Variants in HDAC4 observed in about 807,000 individuals in gnomAD.
HDAC4 encodes histone deacetylase 4.
Under a neutral mutation model 135.1 loss-of-function variants are expected in HDAC4, and 16 were observed. The observed-to-expected ratio is 0.12, with a 90% confidence interval of 0.08 to 0.18. The LOEUF (loss-of-function observed/expected upper bound fraction) is 0.18, where lower values mean the gene tolerates loss of function less well. Ranked by LOEUF, HDAC4 falls within the 10% of genes least tolerant of loss-of-function variation. HDAC4 has a pLI of 1.00. For synonymous variants in HDAC4, 685 were observed against 653.4 expected, an observed-to-expected ratio of 1.05 and a Z score of -0.74; for missense variants, 1,143 against 1,511.8, an observed-to-expected ratio of 0.76 and a Z score of 4.05.
chr2:239,170,749 C>T (rs887723437), intron 5 of HDAC4, among the ~76,000 whole-genome samples: 11 of 152,192 alleles, frequency 7.2e-5, no homozygotes, highest in African/African-American at 2.2e-4. Flanking sequence ...ACACCAGGGC[C>T]GAGGTCAGAA....
intron 1 of HDAC4, among the ~76,000 whole-genome samples, chr2:239,361,195 C>A (rs1342695554): frequency 6.6e-6 from 1 of 152,152 alleles, no homozygotes; most frequent in East Asian, 1.9e-4. Context: ...ACCCCTGGCC[C>A]AAGGCACACA....
intron 24 of HDAC4, among the ~76,000 whole-genome samples, chr2:239,060,372 C>T (rs571572725): frequency 6.6e-5 from 10 of 152,328 alleles, no homozygotes; most frequent in African/African-American, 2.2e-4. Context: ...TCCTTCTCTC[C>T]CTCTGTCCAT....
At chr2:239,261,330 G>A (rs1417339756) in intron 2 of HDAC4, among the ~76,000 whole-genome samples, 5 of 152,212 alleles carry the variant, frequency 3.3e-5, no homozygotes, top group South Asian at 4.1e-4. Context: ...ACTAAGGAGG[G>A]CGTACAGAAG....
intron 7 of HDAC4, among the ~76,000 whole-genome samples, chr2:239,151,470 C>T (rs138467063): frequency 3.9e-5 from 6 of 152,330 alleles, no homozygotes; most frequent in East Asian, 1.9e-4. Flanking sequence ...GGATGTTTCC[C>T]ATGGGCAGCC....
At chr2:239,135,321 C>A (rs2040875076) in intron 9 of HDAC4, among the ~76,000 whole-genome samples, 1 of 152,106 alleles carries the variant, frequency 6.6e-6, no homozygotes. Context: ...CAATACTGGC[C>A]ATGTATGAGG....
At chr2:239,282,720 C>G (rs1170999438) in intron 2 of HDAC4, among the ~76,000 whole-genome samples, 1 of 149,378 alleles carries the variant, frequency 6.7e-6, no homozygotes. Flanking sequence ...ACAATGTACA[C>G]ACCACTCTAC....
chr2:239,328,937 C>T (rs1400227052), intron 2 of HDAC4, among the ~76,000 whole-genome samples: 1 of 152,264 alleles, frequency 6.6e-6, no homozygotes, highest in East Asian at 1.9e-4. Context: ...AGAAATTAAT[C>T]AAGGGAGGAG....
At chr2:239,197,533 C>T (rs140655838) in intron 3 of HDAC4, among the ~76,000 whole-genome samples, 18 of 152,302 alleles carry the variant, frequency 1.2e-4, no homozygotes, top group African/African-American at 4.3e-4. Flanking sequence ...CTTTCCCATT[C>T]TCTCCTTCTG....
chr2:239,205,553 G>A (rs1360792332), intron 3 of HDAC4, among the ~76,000 whole-genome samples: 1 of 152,146 alleles, frequency 6.6e-6, no homozygotes, highest in Non-Finnish European at 1.5e-5. Flanking sequence ...AGCAGTCAGG[G>A]GAGGATCAAC....
At chr2:239,278,205 C>T (rs2050501385) in intron 2 of HDAC4, among the ~76,000 whole-genome samples, 1 of 149,864 alleles carries the variant, frequency 6.7e-6, no homozygotes, top group African/African-American at 2.5e-5. Flanking sequence ...AAAAAACAGA[C>T]TGGTAACAAA....
chr2:239,186,116 C>A (rs2044535464), intron 4 of HDAC4, among the ~76,000 whole-genome samples: 1 of 152,046 alleles, frequency 6.6e-6, no homozygotes, highest in Non-Finnish European at 1.5e-5. Context: ...TGGAAAAGCA[C>A]CATCCGAGAA....
intron 2 of HDAC4, among the ~76,000 whole-genome samples, chr2:239,250,913 A>T (rs2048749649): frequency 6.6e-6 from 1 of 151,994 alleles, no homozygotes; most frequent in African/African-American, 2.4e-5. Flanking sequence ...CCCTCTGCAG[A>T]CCCGGGGAAC....
chr2:239,399,507 C>A (rs938669966), intron 1 of HDAC4, among the ~76,000 whole-genome samples: 4 of 152,110 alleles, frequency 2.6e-5, no homozygotes, highest in African/African-American at 9.7e-5. Flanking sequence ...ACAGAATTAT[C>A]AGAAGCAATT....
At chr2:239,190,178 G>T in intron 3 of HDAC4, 101 bp from the exon 4 acceptor site, 3 of 1,438,354 alleles carry the variant, frequency 2.1e-6, no homozygotes, top group Non-Finnish European at 2.8e-6. Flanking sequence ...ACGGGGCGGG[G>T]GGGGGGTTGT....
chr2:239,298,659 G>A, intron 2 of HDAC4: 1 of 978,698 alleles, frequency 1.0e-6, no homozygotes, highest in Non-Finnish European at 1.2e-6. Flanking sequence ...TGAGACTGTG[G>A]CTAAATCATT....
chr2:239,358,443 T>C (rs868306718), intron 1 of HDAC4, among the ~76,000 whole-genome samples: 3 of 152,218 alleles, frequency 2.0e-5, no homozygotes, highest in Admixed American at 2.0e-4. Flanking sequence ...TTTCTGATTT[T>C]ACAAGATGTC....
At chr2:239,153,171 G>A (rs981439071) in intron 7 of HDAC4, among the ~76,000 whole-genome samples, 8 of 152,160 alleles carry the variant, frequency 5.3e-5, no homozygotes, top group Middle Eastern at 3.2e-3. Context: ...TGGTACAGGC[G>A]TTACCTGTCA....
chr2:239,350,564 C>T (rs139869913), intron 2 of HDAC4, among the ~76,000 whole-genome samples: 10 of 151,944 alleles, frequency 6.6e-5, no homozygotes, highest in South Asian at 2.1e-4. Flanking sequence ...AGTACAGTGG[C>T]GCAATCTCAG....
chr2:239,368,589 T>C (rs1286653799), intron 1 of HDAC4, among the ~76,000 whole-genome samples: 1 of 152,060 alleles, frequency 6.6e-6, no homozygotes, highest in Non-Finnish European at 1.5e-5. Flanking sequence ...GTGAAGGGCC[T>C]CCGTCCTGAG....
Sources: allele counts gnomAD v4.1 joint callset (sites outside exome capture counted in the v4.1 genomes callset), GRCh38; gene constraint gnomAD v4.1.1; transcripts MANE v1.5; gene names NCBI Gene and HGNC (gene_info 2026-07-23, HGNC 2026-07-21).